The following CFAP44 variants were observed in gnomAD, a reference collection of about 807,000 sequenced individuals.
CFAP44 encodes cilia- and flagella-associated protein 44.
A neutral mutation model predicts 216.2 loss-of-function variants in CFAP44; 134 were observed. The ratio of observed to expected loss-of-function variants is 0.62; its 90% CI spans 0.54 to 0.72. The LOEUF (loss-of-function observed/expected upper bound fraction) is 0.72. Among genes scored for constraint, CFAP44 ranks in the 30% least tolerant of loss-of-function variants. The pLI is 0.00. For synonymous variants in CFAP44, 700 were observed against 727.6 expected (o/e 0.96, Z 0.61); for missense variants, 2,035 against 2,182.1 (o/e 0.93, Z 1.34).
intron 4 of CFAP44, among the ~76,000 whole-genome samples, chr3:113,420,735 C>T (rs1039708006): frequency 2.0e-5 from 3 of 152,096 alleles, no homozygotes; most frequent in African/African-American, 4.8e-5. Flanking sequence ...TTCTAACAAA[C>T]ATGTTTGTAA....
chr3:113,383,712 A>G (rs981100583), intron 15 of CFAP44, among the ~76,000 whole-genome samples: 9 of 152,362 alleles, frequency 5.9e-5, no homozygotes, highest in Admixed American at 5.9e-4. Context: ...TCAAAAAGAC[A>G]AAGGGTGAAC....
intron 6 of CFAP44, among the ~76,000 whole-genome samples, chr3:113,415,009 G>A (rs2107383940): frequency 6.6e-6 from 1 of 151,776 alleles, no homozygotes; most frequent in Non-Finnish European, 1.5e-5. Flanking sequence ...TTTTTGGTTG[G>A]TAGGCTATTA....
intron 28 of CFAP44, among the ~76,000 whole-genome samples, chr3:113,322,741 C>A (rs190159137): frequency 6.6e-6 from 1 of 152,254 alleles, no homozygotes; most frequent in East Asian, 1.9e-4. Flanking sequence ...GGTATATACA[C>A]AAAGGAAAAT....
At chr3:113,384,050 T>C (rs1001534297) in intron 15 of CFAP44, among the ~76,000 whole-genome samples, 1 of 151,816 alleles carries the variant, frequency 6.6e-6, no homozygotes, top group African/African-American at 2.4e-5. Flanking sequence ...GATTTCCAAA[T>C]AGTTGACTTT....
At chr3:113,369,388 C>T (rs1392915457) in intron 18 of CFAP44, among the ~76,000 whole-genome samples, 2 of 152,142 alleles carry the variant, frequency 1.3e-5, no homozygotes, top group East Asian at 3.8e-4. Context: ...TCTCTCAGAC[C>T]ACAGTGCAAT....
rs1396739516 is a variant in CFAP44 at position 113,289,914 on chromosome 3, C to T, written c.*1643G>A. The T allele has an allele frequency of 6.6e-6, 1 of 152,304 alleles. No homozygotes were observed. Among genetic ancestry groups the T allele is most frequent in the Non-Finnish European group, 1.5e-5 (1 of 68,134 alleles). The allele number at this position is 152,304 out of a possible 1,614,324, so 9.4% of individuals were successfully genotyped here. ...GAATTTGCTAATAGCCCCTCCAGCTCCAGCCAAGCTTCAGATGGCTGCAGC... is the reference window on the plus strand; with the variant it reads ...GAATTTGCTAATAGCCCCTCCAGCTTCAGCCAAGCTTCAGATGGCTGCAGC... On this transcript the variant is annotated 3_prime_UTR_variant, in exon 35 of 35. Transcript: ENST00000393845.
chr3:113,344,708 G>C lies in CFAP44; in HGVS notation c.3070C>G (p.Arg1024Gly). Reference sequence around the variant, plus strand: ...ATAGTATCACTTTCCAGTGGATCTCGAAATCTGAAAAAATAAAACAAGTAT... The same window carrying C: ...ATAGTATCACTTTCCAGTGGATCTCCAAATCTGAAAAAATAAAACAAGTAT... ...LGLMKLKNRF[R>G]DPLESDTIVV... The change falls in exon 23 of 35, where the codon CGA becomes GGA. Residue 1024 changes from arginine to glycine, a missense_variant. By Grantham distance (125) the Arg-to-Gly change is moderately radical. Transcript: ENST00000393845. 6.7e-7 allele frequency: 1 copy of C among 1,489,634 alleles called. No homozygotes were observed. Among genetic ancestry groups the C allele is most frequent in the Non-Finnish European group, 8.9e-7 (1 of 1,128,638 alleles). 92.3% of individuals were successfully genotyped at this position (1,489,634 alleles called of 1,614,324 possible).
chr3:113,307,072 T>C (rs1949992321), intron 29 of CFAP44, among the ~76,000 whole-genome samples: 1 of 152,254 alleles, frequency 6.6e-6, no homozygotes, highest in Non-Finnish European at 1.5e-5. Flanking sequence ...TTTTCTCTAC[T>C]GAACCGTTCA....
chr3:113,338,479 C>T (rs1475198875), intron 24 of CFAP44, among the ~76,000 whole-genome samples: 1 of 151,838 alleles, frequency 6.6e-6, no homozygotes, highest in Non-Finnish European at 1.5e-5. Context: ...AGTCATGTCA[C>T]TAAAAATATA....
chr3:113,380,869 A>G lies in CFAP44; in HGVS notation c.2052+30T>C, dbSNP rs1576581211. The G allele has an allele frequency of 2.0e-6, 3 of 1,495,234 alleles. No homozygotes were observed. The East Asian group carries it at 7.2e-5, about 36-fold the overall frequency. 92.6% of individuals were successfully genotyped at this position (1,495,234 alleles called of 1,614,324 possible). On this transcript the variant is annotated intron_variant, in intron 16 of 34. Transcript: ENST00000393845. ...TATATTCTAAGGAAAGGAAATTATT[A>G]TAAGATAATGCTTCAGGAATATTCC...
intron 30 of CFAP44, 48 bp from the exon 31 acceptor site, chr3:113,305,200 T>A (rs1167843651): frequency 1.4e-6 from 2 of 1,462,732 alleles, no homozygotes; most frequent in South Asian, 2.4e-5. Context: ...TCAATAAACA[T>A]ACATCTAAAG....
At chr3:113,383,496 C>G (rs1366112332) in intron 15 of CFAP44, among the ~76,000 whole-genome samples, 1 of 152,010 alleles carries the variant, frequency 6.6e-6, no homozygotes, top group African/African-American at 2.4e-5. Context: ...ATTTAGGCTT[C>G]AACATATAAA....
chr3:113,323,738 A>G (rs933212935), intron 28 of CFAP44, among the ~76,000 whole-genome samples: 6 of 152,088 alleles, frequency 3.9e-5, no homozygotes, highest in African/African-American at 1.4e-4. Context: ...ACCATGACTC[A>G]CCCAATATGA....
At chr3:113,337,271 G>A (rs1197711966) in intron 24 of CFAP44, among the ~76,000 whole-genome samples, 1 of 151,900 alleles carries the variant, frequency 6.6e-6, no homozygotes, top group Non-Finnish European at 1.5e-5. Flanking sequence ...AACTTTTTAT[G>A]CTGAAAACAG....
intron 22 of CFAP44, among the ~76,000 whole-genome samples, chr3:113,356,932 C>T (rs1041280131): frequency 1.7e-4 from 26 of 152,016 alleles, no homozygotes; most frequent in Non-Finnish European, 4.4e-5. Context: ...TATACACATA[C>T]ATACATGTCA....
intron 17 of CFAP44, among the ~76,000 whole-genome samples, chr3:113,379,092 C>A (rs112893585): frequency 3.3e-5 from 5 of 151,882 alleles, no homozygotes; most frequent in African/African-American, 1.2e-4. Flanking sequence ...CACAAGAAGA[C>A]ATATAAAAGA....
chr3:113,372,342 A>G (rs763697339), intron 18 of CFAP44, among the ~76,000 whole-genome samples: 6 of 152,226 alleles, frequency 3.9e-5, no homozygotes, highest in Non-Finnish European at 8.8e-5. Context: ...ATGTCCATCA[A>G]TGATAGACTG....
intron 17 of CFAP44, among the ~76,000 whole-genome samples, chr3:113,377,906 C>T (rs1252583824): frequency 6.6e-6 from 1 of 152,146 alleles, no homozygotes; most frequent in East Asian, 1.9e-4. Flanking sequence ...CCGCCTCGGC[C>T]TCCCAAAGTG....
At chr3:113,306,058 G>T in intron 30 of CFAP44, 143 bp downstream of exon 30, 1 of 1,002,740 alleles carries the variant, frequency 1.0e-6, no homozygotes, top group Non-Finnish European at 1.4e-6. Flanking sequence ...CCACAATTTA[G>T]GGAGAAAAAA....
Sources: allele counts gnomAD v4.1 joint callset (sites outside exome capture counted in the v4.1 genomes callset), GRCh38; gene constraint gnomAD v4.1.1; transcripts MANE v1.5; gene names NCBI Gene and HGNC (gene_info 2026-07-23, HGNC 2026-07-21).